FHOD3: variants seen among roughly 807,000 people sequenced by gnomAD.
FHOD3 encodes formin homology 2 domain containing 3, also known as FH1/FH2 domain-containing protein 3.
Under a neutral mutation model 173.0 loss-of-function variants are expected in FHOD3, and 90 were observed. The observed-to-expected ratio is 0.52, with a 90% confidence interval of 0.44 to 0.62. The LOEUF is 0.62. FHOD3 is among the 20% of genes least tolerant of loss of function. The probability of loss-of-function intolerance (pLI) is 0.00; values close to 1 mark genes in which losing one functional copy is unlikely to be tolerated. For synonymous variants in FHOD3, 828 were observed against 823.0 expected (o/e 1.01, Z -0.10); for missense variants, 1,945 against 2,034.7 (o/e 0.96, Z 0.85).
At chr18:36,320,569 C>T (rs1157418996) in intron 1 of FHOD3, among the ~76,000 whole-genome samples, 2 of 152,172 alleles carry the variant, frequency 1.3e-5, no homozygotes, top group African/African-American at 4.8e-5. Flanking sequence ...GAGGAGCTGG[C>T]ATCATTCCTT....
intron 3 of FHOD3, among the ~76,000 whole-genome samples, chr18:36,390,766 G>A (rs1382662207): frequency 6.6e-6 from 1 of 152,154 alleles, no homozygotes; most frequent in Non-Finnish European, 1.5e-5. Flanking sequence ...AACACATGAT[G>A]ATGGTCCTGT....
chr18:36,721,006 T>A (rs972152159), intron 19 of FHOD3, among the ~76,000 whole-genome samples: 1 of 152,174 alleles, frequency 6.6e-6, no homozygotes, highest in African/African-American at 2.4e-5. Flanking sequence ...ATGCTTCACC[T>A]ACCTCCCTCC....
At chr18:36,704,832 G>C (rs1034110432) in intron 17 of FHOD3, among the ~76,000 whole-genome samples, 2 of 152,222 alleles carry the variant, frequency 1.3e-5, no homozygotes, top group Non-Finnish European at 2.9e-5. Context: ...CCCCGCTCCG[G>C]TGTGAACACG....
At chr18:36,650,958 A>G (rs7239343) in intron 11 of FHOD3, among the ~76,000 whole-genome samples, 10,782 of 152,314 alleles carry the variant, frequency 0.071, 659 homozygotes, top group East Asian at 0.24. Flanking sequence ...GTTTTAGGAA[A>G]TAAACATGTG....
At chr18:36,621,471 G>A (rs562749818) in intron 9 of FHOD3, among the ~76,000 whole-genome samples, 1 of 152,324 alleles carries the variant, frequency 6.6e-6, no homozygotes, top group South Asian at 2.1e-4. Context: ...AGTGGTTTGA[G>A]TGAGCTGAGT....
rs547662556 is a variant in FHOD3 at position 36,594,774 on chromosome 18, T to C, written c.607-13T>C. ...TGTTGGCAGTGATGTGATGGTTTTA[T>C]CTCTTCTGCCAGTTCCGCCTGGTGG... is the stretch of plus-strand genomic sequence containing the variant. On this transcript the variant is annotated splice_polypyrimidine_tract_variant and intron_variant, in intron 6 of 28. Coordinates refer to ENST00000590592, the MANE Select transcript of FHOD3 (RefSeq NM_001281740.3). 2 of 1,602,026 alleles carry C rather than the reference T, an allele frequency of 1.2e-6. No individual in the cohort carries two copies. Among genetic ancestry groups the C allele is most frequent in the Non-Finnish European group, 1.7e-6 (2 of 1,170,270 alleles).
At chr18:36,645,370 A>T (rs2035609018) in intron 10 of FHOD3, among the ~76,000 whole-genome samples, 1 of 152,186 alleles carries the variant, frequency 6.6e-6, no homozygotes, top group Non-Finnish European at 1.5e-5. Context: ...CAGTGAACCA[A>T]GATGGTGAGA....
At chr18:36,613,679 T>G (rs981025345) in intron 9 of FHOD3, among the ~76,000 whole-genome samples, 8 of 152,126 alleles carry the variant, frequency 5.3e-5, no homozygotes, top group African/African-American at 1.7e-4. Flanking sequence ...TGGTTGGTTG[T>G]TGGTTGTTTT....
chr18:36,443,798 G>A (rs113637948), intron 3 of FHOD3, among the ~76,000 whole-genome samples: 1 of 152,086 alleles, frequency 6.6e-6, no homozygotes, highest in Admixed American at 6.5e-5. Flanking sequence ...GTACTGATGT[G>A]ACCTATTTTA....
rs543970582 is a variant in FHOD3 at position 36,422,248 on chromosome 18, A to G, written c.337+49504A>G. On this transcript the variant is annotated intron_variant, in intron 3 of 28. Transcript: ENST00000590592. ...ACTCCCTTTTAAAAATAAAGGTAAC[A>G]TACCATATATACTTTTTTTTCATTT... Among the ~76,000 whole-genome samples, 108 of 152,326 alleles carry G rather than the reference A, an allele frequency of 7.1e-4. 1 individual carries two copies. The highest frequency in any genetic ancestry group is 1.4e-3 in the South Asian group (7 of 4,830).
chr18:36,389,605 A>G (rs972557438), intron 3 of FHOD3, among the ~76,000 whole-genome samples: 2 of 151,728 alleles, frequency 1.3e-5, no homozygotes, highest in African/African-American at 4.9e-5. Flanking sequence ...CATTGTTGTT[A>G]TTGTTGTTGT....
At chr18:36,596,074 G>A (rs17651514) in intron 7 of FHOD3, among the ~76,000 whole-genome samples, 50,099 of 152,018 alleles carry the variant, frequency 0.33, 8,442 homozygotes, top group East Asian at 0.42. Context: ...AACCAGCCAG[G>A]ATGTGTCGGG....
chr18:36,650,532 A>T (rs1262661936), intron 11 of FHOD3, among the ~76,000 whole-genome samples: 3 of 152,260 alleles, frequency 2.0e-5, no homozygotes, highest in Non-Finnish European at 4.4e-5. Context: ...AAAGATCAGC[A>T]TGAAACAGAG....
chr18:36,338,824 G>A (rs2045461726), intron 1 of FHOD3, among the ~76,000 whole-genome samples: 1 of 152,116 alleles, frequency 6.6e-6, no homozygotes, highest in African/African-American at 2.4e-5. Context: ...CCATTTGTGT[G>A]TTTTCCCTGG....
chr18:36,655,772 CAA>C (rs5824033), intron 13 of FHOD3, among the ~76,000 whole-genome samples: 38,262 of 144,690 alleles, frequency 0.26, 4,900 homozygotes, highest in South Asian at 0.41. Flanking sequence ...CACACACACA[CAA>C]AAATGCTGAA....
chr18:36,455,993 C>T lies in FHOD3; in HGVS notation c.338-45939C>T, dbSNP rs988017287. ...GTCTGCCTGTAGATACTGTCAAGGCCATGTGCACCCCGAGTTGTGCACCTC... is the reference window on the plus strand; with the variant it reads ...GTCTGCCTGTAGATACTGTCAAGGCTATGTGCACCCCGAGTTGTGCACCTC... On this transcript the variant is annotated intron_variant, in intron 3 of 28. Coordinates refer to ENST00000590592, the MANE Select transcript of FHOD3 (RefSeq NM_001281740.3). Among the ~76,000 whole-genome samples the T allele has an allele frequency of 8.5e-5, 13 of 152,104 alleles. 1 individual carries two copies. Among genetic ancestry groups the T allele is most frequent in the South Asian group, 4.1e-4 (2 of 4,820 alleles).
chr18:36,429,460 T>C (rs1220419044), intron 3 of FHOD3, among the ~76,000 whole-genome samples: 1 of 152,196 alleles, frequency 6.6e-6, no homozygotes, highest in Non-Finnish European at 1.5e-5. Flanking sequence ...TTAGTTCTTA[T>C]GGACAGCTAG....
intron 19 of FHOD3, among the ~76,000 whole-genome samples, chr18:36,721,553 G>A (rs2040791033): frequency 6.6e-6 from 1 of 152,106 alleles, no homozygotes; most frequent in African/African-American, 2.4e-5. Context: ...GGCTGAGATG[G>A]GAAGATATCC....
intron 3 of FHOD3, among the ~76,000 whole-genome samples, chr18:36,481,001 C>T (rs990088250): frequency 4.3e-5 from 6 of 138,318 alleles, no homozygotes; most frequent in Non-Finnish European, 6.1e-5. Context: ...GTAGGCCAGG[C>T]TGGGCATATT....
Sources: allele counts gnomAD v4.1 joint callset (sites outside exome capture counted in the v4.1 genomes callset), GRCh38; gene constraint gnomAD v4.1.1; transcripts MANE v1.5; gene names NCBI Gene and HGNC (gene_info 2026-07-23, HGNC 2026-07-21).